The following UBE3A variants were observed in gnomAD, a reference collection of about 807,000 sequenced individuals.
UBE3A encodes ubiquitin-protein ligase E3A.
In UBE3A, 6 loss-of-function variants were observed where a neutral mutation model predicts 83.4. The ratio of observed to expected loss-of-function variants is 0.07; its 90% confidence interval spans 0.04 to 0.14. UBE3A has a LOEUF of 0.14. UBE3A is among the 10% of genes least tolerant of loss of function. The pLI is 1.00. For synonymous variants in UBE3A, 337 were observed against 355.4 expected (o/e 0.95, Z 0.58); for missense variants, 456 against 1,036.1 (o/e 0.44, Z 7.69).
At chr15:25,363,332 G>A (rs919306937) in intron 6 of UBE3A, among the ~76,000 whole-genome samples, 2 of 152,022 alleles carry the variant, frequency 1.3e-5, no homozygotes, top group Non-Finnish European at 2.9e-5. Flanking sequence ...GTGCTTAAAA[G>A]TACTAGCTGT....
At chr15:25,385,062 T>C (rs948661132) in intron 4 of UBE3A, among the ~76,000 whole-genome samples, 3 of 152,190 alleles carry the variant, frequency 2.0e-5, no homozygotes, top group African/African-American at 7.2e-5. Context: ...ATTTCTTGAA[T>C]AGATCACCAA....
At chr15:25,405,327 G>C in intron 4 of UBE3A, 134 bp downstream of exon 4, 1 of 1,013,606 alleles carries the variant, frequency 9.9e-7, no homozygotes, top group Non-Finnish European at 1.5e-6. Context: ...AAGTAGGTAT[G>C]TTCCTATCTC....
intron 7 of UBE3A, 76 bp from the exon 8 acceptor site, chr15:25,356,972 T>C: frequency 8.1e-7 from 1 of 1,238,056 alleles, no homozygotes; most frequent in Non-Finnish European, 1.2e-6. Flanking sequence ...AATATAAACT[T>C]AAAATAATTA....
chr15:25,416,645 A>G (rs907947650), intron 1 of UBE3A, among the ~76,000 whole-genome samples: 1 of 105,324 alleles, frequency 9.5e-6, no homozygotes, highest in African/African-American at 5.4e-5. Context: ...AACATTCTAA[A>G]AAAAAAAAAA....
chr15:25,354,773 C>T, intron 9 of UBE3A, 90 bp from the exon 10 acceptor site: 1 of 1,234,450 alleles, frequency 8.1e-7, no homozygotes, highest in Non-Finnish European at 1.1e-6. Flanking sequence ...TTAATTTTTC[C>T]AAGAAAAAAA....
At position 25,339,236 on chromosome 15, in the gene UBE3A, G is replaced by T; in HGVS notation, c.2520C>A (p.Cys840Ter). Residue 840 changes from cysteine to a stop codon, truncating the protein, a stop_gained, in exon 13 of 13, where the codon TGC becomes TGA. Coordinates refer to ENST00000648336, the MANE Select transcript of UBE3A (RefSeq NM_130839.5). LOFTEE classifies it high-confidence loss of function. ...DTERLPTSHTCFNVLLLPEYS... is the reference protein window; with the variant it reads ...DTERLPTSHT Reference sequence around the variant, plus strand: ...ATTCCGGAAGTAAAAGCACATTAAAGCAAGTATGAGATGTAGGTAACCTAA... The same window carrying T: ...ATTCCGGAAGTAAAAGCACATTAAATCAAGTATGAGATGTAGGTAACCTAA... 1 of 1,612,456 alleles carries T rather than the reference G, an allele frequency of 6.2e-7. No homozygotes were observed. The highest frequency in any genetic ancestry group is 8.5e-7 in the Non-Finnish European group (1 of 1,179,328).
intron 5 of UBE3A, among the ~76,000 whole-genome samples, chr15:25,372,268 G>A (rs1381229891): frequency 6.6e-6 from 1 of 151,966 alleles, no homozygotes; most frequent in East Asian, 1.9e-4. Flanking sequence ...AGAAGGCAAG[G>A]TCTTAAAAAA....
At chr15:25,353,772 G>C (rs1170104133) in intron 11 of UBE3A, among the ~76,000 whole-genome samples, 1 of 152,128 alleles carries the variant, frequency 6.6e-6, no homozygotes, top group Non-Finnish European at 1.5e-5. Flanking sequence ...ATGTCTTTCA[G>C]AATTGGATGA....
chr15:25,380,588 A>C (rs1007684874), intron 4 of UBE3A, among the ~76,000 whole-genome samples: 6 of 152,200 alleles, frequency 3.9e-5, no homozygotes, highest in Admixed American at 3.9e-4. Flanking sequence ...AGGGGAAAAG[A>C]AAGTGAGGAA....
intron 1 of UBE3A, among the ~76,000 whole-genome samples, chr15:25,437,746 A>G (rs1895537171): frequency 6.6e-6 from 1 of 152,142 alleles, no homozygotes; most frequent in Non-Finnish European, 1.5e-5. Context: ...TTATTTCTAA[A>G]ATTTTACGGA....
At chr15:25,402,192 G>A (rs531704034) in intron 4 of UBE3A, among the ~76,000 whole-genome samples, 1 of 152,284 alleles carries the variant, frequency 6.6e-6, no homozygotes, top group South Asian at 2.1e-4. Context: ...ACTTTATTGG[G>A]TAAAGCCCTT....
chr15:25,360,252 G>A, intron 7 of UBE3A, 131 bp downstream of exon 7: 1 of 1,175,676 alleles, frequency 8.5e-7, no homozygotes, highest in Middle Eastern at 2.4e-4. Flanking sequence ...CATGATGTGT[G>A]ATTCTGGGTA....
At chr15:25,412,525 T>C (rs1352736839) in intron 1 of UBE3A, among the ~76,000 whole-genome samples, 1 of 152,122 alleles carries the variant, frequency 6.6e-6, no homozygotes, top group Non-Finnish European at 1.5e-5. Flanking sequence ...ACGACGATAA[T>C]TATAATTTAT....
intron 4 of UBE3A, among the ~76,000 whole-genome samples, chr15:25,398,349 T>G (rs1405944427): frequency 6.6e-6 from 1 of 152,056 alleles, no homozygotes; most frequent in East Asian, 1.9e-4. Flanking sequence ...TCTCAGTGAT[T>G]TCCAAAAATA....
chr15:25,436,506 G>C (rs2153192238), intron 1 of UBE3A, among the ~76,000 whole-genome samples: 1 of 152,298 alleles, frequency 6.6e-6, no homozygotes, highest in African/African-American at 2.4e-5. Context: ...CTGACACTGA[G>C]AGAAACAGTG....
chr15:25,398,864 A>G (rs1262969333), intron 4 of UBE3A, among the ~76,000 whole-genome samples: 1 of 139,252 alleles, frequency 7.2e-6, no homozygotes, highest in Admixed American at 7.6e-5. Context: ...TGGTAGTTCT[A>G]TTTTTTAATT....
At chr15:25,415,968 C>T (rs1335361726) in intron 1 of UBE3A, 1 of 151,584 alleles carries the variant, frequency 6.6e-6, no homozygotes, top group Non-Finnish European at 1.5e-5. Flanking sequence ...TAAGTAAATG[C>T]CAATTTAAGA....
At chr15:25,384,884 GGGA>G (rs1402383213) in intron 4 of UBE3A, among the ~76,000 whole-genome samples, 1 of 152,126 alleles carries the variant, frequency 6.6e-6, no homozygotes, top group Admixed American at 6.6e-5. Flanking sequence ...AAACTGTATT[GGGA>G]AATCTGGAAT....
At chr15:25,420,851 T>C (rs1889451434) in intron 1 of UBE3A, 1 of 152,202 alleles carries the variant, frequency 6.6e-6, no homozygotes, top group Non-Finnish European at 1.5e-5. Context: ...CAGATACTTA[T>C]ATACCAATGT....
Sources: allele counts gnomAD v4.1 joint callset (sites outside exome capture counted in the v4.1 genomes callset), GRCh38; gene constraint gnomAD v4.1.1; transcripts MANE v1.5; gene names NCBI Gene and HGNC (gene_info 2026-07-23, HGNC 2026-07-21).